ATG7: variants seen among roughly 807,000 people sequenced by gnomAD.
The protein encoded by ATG7 is autophagy related 7, also known as ubiquitin-like modifier-activating enzyme ATG7.
Under a neutral mutation model 82.4 loss-of-function variants are expected in ATG7, and 70 were observed. The observed-to-expected ratio is 0.85, with a 90% CI of 0.70 to 1.04. The LOEUF (loss-of-function observed/expected upper bound fraction) is 1.04. Among genes scored for constraint, ATG7 ranks in the 50% least tolerant of loss-of-function variants. The pLI, the probability that ATG7 is intolerant of heterozygous loss-of-function variation, is 0.00. For missense variants in ATG7, 792 were observed against 864.3 expected (o/e 0.92, Z 1.05); for synonymous variants, 287 against 313.0 (o/e 0.92, Z 0.88).
At chr3:11,561,134 C>CA (rs1553719261), downstream of ATG7, among the ~76,000 whole-genome samples, 267 of 151,834 alleles carry the variant, frequency 1.8e-3, 4 homozygotes, top group African/African-American at 6.3e-3. Flanking sequence ...GACCCCCCCC[C>CA]AGGGTCCTCC....
At position 11,309,190 on chromosome 3, in the gene ATG7, C is replaced by T. The variant is rs952056635; in HGVS notation, c.411+129C>T. Reference sequence around the variant, plus strand: ...CTGTTACTTAAATAATAGCTGTTAACGAAACGCTCATTTGATTAGTGGCCA... The same window carrying T: ...CTGTTACTTAAATAATAGCTGTTAATGAAACGCTCATTTGATTAGTGGCCA... On this transcript the variant is annotated intron_variant, in intron 7 of 20. Transcript: ENST00000693202. 6.1e-5 allele frequency: 56 copies of T among 921,802 alleles called. No individual in the cohort carries two copies. The Admixed American group carries it at 7.6e-4, about 12-fold the overall frequency. 57.1% of individuals were successfully genotyped at this position (921,802 alleles called of 1,614,324 possible).
At chr3:11,308,924 G>A in intron 6 of ATG7, 60 bp from the exon 7 acceptor site, 3 of 1,478,090 alleles carry the variant, frequency 2.0e-6, no homozygotes, top group Non-Finnish European at 2.8e-6. Context: ...CACTTCACCT[G>A]AGAGTGAGAA....
At chr3:11,341,916 A>G (rs1251443782) in intron 12 of ATG7, among the ~76,000 whole-genome samples, 1 of 152,182 alleles carries the variant, frequency 6.6e-6, no homozygotes. Flanking sequence ...GCTGGAACTC[A>G]GTATCAAATC....
At position 11,421,311 on chromosome 3, in the gene ATG7, G is replaced by T. The variant is rs528110619; in HGVS notation, c.1957-5493G>T. Among the ~76,000 whole-genome samples, 23 of 152,294 alleles carry T rather than the reference G, an allele frequency of 1.5e-4. No homozygotes were observed. The South Asian group carries it at 3.5e-3, about 23-fold the overall frequency. ...GATAGCATTTTACCCACAGCAGAACGTCTTTAAAAATTGGAGTTGTCCTCT... is the reference window on the plus strand; with the variant it reads ...GATAGCATTTTACCCACAGCAGAACTTCTTTAAAAATTGGAGTTGTCCTCT... On this transcript the variant is annotated intron_variant, in intron 19 of 20. Coordinates refer to ENST00000693202, the MANE Select transcript of ATG7 (RefSeq NM_001349232.2).
downstream of ATG7, among the ~76,000 whole-genome samples, chr3:11,561,628 C>T (rs774999578): frequency 6.6e-6 from 1 of 152,310 alleles, no homozygotes; most frequent in South Asian, 2.1e-4. Context: ...GGCCCCAGGC[C>T]TCCAGATGGT....
chr3:11,544,397 G>A (rs1030408506), intron 20 of ATG7, among the ~76,000 whole-genome samples: 33 of 152,220 alleles, frequency 2.2e-4, no homozygotes, highest in Admixed American at 2.0e-3. Context: ...GCCTTGCAGA[G>A]CACCCTTTTT....
intron 20 of ATG7, among the ~76,000 whole-genome samples, chr3:11,475,899 ACACACACACC>A (rs1349959634): frequency 7.3e-5 from 11 of 150,660 alleles, no homozygotes; most frequent in South Asian, 6.4e-4. Flanking sequence ...ACACACACAC[ACACACACACC>A]CCCTCCCAGA....
chr3:11,304,952 C>A (rs1421647308), intron 5 of ATG7, among the ~76,000 whole-genome samples: 2 of 152,096 alleles, frequency 1.3e-5, no homozygotes, highest in Non-Finnish European at 2.9e-5. Context: ...ACTATTAATT[C>A]CAGAACATTT....
intron 5 of ATG7, among the ~76,000 whole-genome samples, chr3:11,300,657 A>C (rs569726684): frequency 2.6e-5 from 4 of 152,358 alleles, no homozygotes; most frequent in African/African-American, 9.6e-5. Flanking sequence ...GATAGTCTCC[A>C]ACTTATGGTG....
the ATG7 span, among the ~76,000 whole-genome samples, chr3:11,573,293 A>G: frequency 1.6e-4 from 2 of 12,176 alleles, 1 homozygote; most frequent in East Asian, 4.6e-3. Flanking sequence ...GAAAGAAAGA[A>G]AGAAAGAAAG....
chr3:11,482,383 T>A (rs75646038), intron 20 of ATG7, among the ~76,000 whole-genome samples: 1,843 of 152,346 alleles, frequency 0.012, 34 homozygotes, highest in African/African-American at 0.041. Context: ...CTTGGCTTCT[T>A]CTGACCTCTT....
At chr3:11,280,813 C>T (rs1467609246) in intron 1 of ATG7, among the ~76,000 whole-genome samples, 181 bp from the exon 2 acceptor site, 1 of 152,162 alleles carries the variant, frequency 6.6e-6, no homozygotes, top group Non-Finnish European at 1.5e-5. Context: ...ACATGAAATA[C>T]TTAGTAAATG....
chr3:11,415,264 T>G lies in ATG7; in HGVS notation c.1957-11540T>G, dbSNP rs76652346. ...CAGAATACTTACCATAAATGGAGTT[T>G]GTAGGGCTGGAAGTTGCTCTGGGTG... On this transcript the variant is annotated intron_variant, in intron 19 of 20. Coordinates refer to ENST00000693202, the MANE Select transcript of ATG7 (RefSeq NM_001349232.2). Among the ~76,000 whole-genome samples the G allele has an allele frequency of 1.6e-3, 238 of 152,316 alleles. 1 individual carries two copies. Among genetic ancestry groups the G allele is most frequent in the African/African-American group, 5.6e-3 (233 of 41,566 alleles).
At chr3:11,373,316 A>G (rs1177085004) in intron 18 of ATG7, among the ~76,000 whole-genome samples, 2 of 152,238 alleles carry the variant, frequency 1.3e-5, no homozygotes, top group Non-Finnish European at 2.9e-5. Context: ...TGGTGGTACT[A>G]TTTTTAGAAA....
At chr3:11,376,840 G>A (rs1461993907) in intron 18 of ATG7, among the ~76,000 whole-genome samples, 4 of 152,108 alleles carry the variant, frequency 2.6e-5, no homozygotes, top group Non-Finnish European at 4.4e-5. Flanking sequence ...CCGGGTTCAC[G>A]CCATTCTCCT....
In ATG7 at chr3:11,298,685, G is replaced by A. The variant is rs1415481864; in HGVS notation, c.-10-1G>A. The stretch of plus-strand genomic sequence containing the variant: ...CTGTGTTCTGTTTTGTTTTTTAATA[G>A]GCAAGAAATAATGGCGGCAGCTACG... On this transcript the variant is annotated splice_acceptor_variant, in intron 3 of 20. Coordinates refer to ENST00000693202, the MANE Select transcript of ATG7 (RefSeq NM_001349232.2). LOFTEE classifies it low-confidence loss of function (5UTR_SPLICE). 8.7e-6 allele frequency: 14 copies of A among 1,611,142 alleles called. No homozygotes were observed. Among genetic ancestry groups the A allele is most frequent in the Non-Finnish European group, 1.2e-5 (14 of 1,178,562 alleles).
intron 3 of ATG7, among the ~76,000 whole-genome samples, chr3:11,284,080 A>C (rs1393782448): frequency 1.3e-5 from 2 of 152,136 alleles, no homozygotes; most frequent in African/African-American, 2.4e-5. Flanking sequence ...GCTTCCCCTA[A>C]AGACAGGTTC....
At chr3:11,355,950 C>T (rs1483514761) in intron 14 of ATG7, among the ~76,000 whole-genome samples, 1 of 152,026 alleles carries the variant, frequency 6.6e-6, no homozygotes, top group Non-Finnish European at 1.5e-5. Context: ...ACAAGAGAAT[C>T]GATAAATTGT....
At chr3:11,409,419 A>G (rs958530458) in intron 19 of ATG7, among the ~76,000 whole-genome samples, 2 of 152,244 alleles carry the variant, frequency 1.3e-5, no homozygotes, top group Non-Finnish European at 2.9e-5. Context: ...GTGTTGCCAG[A>G]CGATCTTGCC....
Sources: allele counts gnomAD v4.1 joint callset (sites outside exome capture counted in the v4.1 genomes callset), GRCh38; gene constraint gnomAD v4.1.1; transcripts MANE v1.5; gene names NCBI Gene and HGNC (gene_info 2026-07-23, HGNC 2026-07-21).